The following MYOM1 variants were observed in gnomAD, a reference collection of about 807,000 sequenced individuals.
MYOM1 encodes the protein myomesin 1, also known as myomesin-1.
MYOM1 carries 164 observed loss-of-function variants against 205.3 expected under a neutral mutation model. That is an observed-to-expected ratio of 0.80 (90% CI 0.70 to 0.91). The LOEUF (loss-of-function observed/expected upper bound fraction) is 0.91, where lower values mean the gene tolerates loss of function less well. MYOM1 is among the 40% of genes least tolerant of loss of function. MYOM1 has a pLI of 0.00. For missense variants in MYOM1, 2,011 were observed against 2,127.3 expected (o/e 0.95, Z 1.08); for synonymous variants, 772 against 789.4 (o/e 0.98, Z 0.37).
intron 11 of MYOM1, among the ~76,000 whole-genome samples, chr18:3,153,628 G>T (rs1314173051): frequency 1.3e-5 from 2 of 152,166 alleles, no homozygotes; most frequent in African/African-American, 4.8e-5. Flanking sequence ...ACTACTAAAT[G>T]ATGAAATGTT....
intron 22 of MYOM1, among the ~76,000 whole-genome samples, chr18:3,106,567 G>A (rs190233472): frequency 2.8e-4 from 42 of 152,296 alleles, no homozygotes; most frequent in Non-Finnish European, 5.3e-4. Context: ...GCTCACACCT[G>A]TAATCCCAGC....
chr18:3,129,088 A>T, intron 18 of MYOM1, 144 bp downstream of exon 18: 1 of 1,080,194 alleles, frequency 9.3e-7, no homozygotes, highest in Non-Finnish European at 1.3e-6. Flanking sequence ...ATGAAAGTAC[A>T]CATTTCAGAT....
chr18:3,200,862 TA>T (rs1172835166), intron 2 of MYOM1, among the ~76,000 whole-genome samples: 7 of 152,236 alleles, frequency 4.6e-5, no homozygotes, highest in Non-Finnish European at 7.4e-5. Flanking sequence ...ATGAAAATAT[TA>T]ATCTATGGAT....
chr18:3,184,500 T>C (rs1159847358), intron 5 of MYOM1, among the ~76,000 whole-genome samples: 2 of 152,224 alleles, frequency 1.3e-5, no homozygotes, highest in Non-Finnish European at 2.9e-5. Flanking sequence ...AGTTTCAGCT[T>C]TACCCAGGGC....
At chr18:3,093,900 A>T (rs2079261895) in intron 26 of MYOM1, among the ~76,000 whole-genome samples, 1 of 152,016 alleles carries the variant, frequency 6.6e-6, no homozygotes, top group South Asian at 2.1e-4. Context: ...CTCTATTTTC[A>T]TGGGGATCAT....
chr18:3,238,230 G>A, the MYOM1 span, among the ~76,000 whole-genome samples: 6 of 152,030 alleles, frequency 3.9e-5, no homozygotes, highest in Admixed American at 3.3e-4. Flanking sequence ...TAGATTCCTC[G>A]CAATGCACAG....
rs12606556 is a variant in MYOM1, at chr18:3,075,211, T to C, written c.4708+243A>G. On this transcript the variant is annotated intron_variant, in intron 36 of 37. Coordinates refer to ENST00000356443, the MANE Select transcript of MYOM1 (RefSeq NM_003803.4). ...TTTGCAGCCAAGAGGTTTCTCAGGA[T>C]GTCTGGGTTGTAGCTCAAGTCAAGG... Among the ~76,000 whole-genome samples the C allele has an allele frequency of 0.13, 20,304 of 152,242 alleles. 1,555 individuals carry two copies. The highest frequency in any genetic ancestry group is 0.32 in the East Asian group (1,653 of 5,178).
chr18:3,110,740 C>CT (rs60485833), intron 22 of MYOM1, among the ~76,000 whole-genome samples: 17 of 141,502 alleles, frequency 1.2e-4, no homozygotes, highest in South Asian at 2.3e-4. Context: ...TCTTTTTTTT[C>CT]TTTTTTTTTT....
At chr18:3,088,735 CAT>C (rs2079185084) in intron 29 of MYOM1, among the ~76,000 whole-genome samples, 1 of 152,192 alleles carries the variant, frequency 6.6e-6, no homozygotes, top group Non-Finnish European at 1.5e-5. Context: ...CTCTTTTCCA[CAT>C]GTCTCCCTTG....
chr18:3,096,565 A>G (rs1598665691), intron 25 of MYOM1, among the ~76,000 whole-genome samples: 2 of 151,486 alleles, frequency 1.3e-5, no homozygotes, highest in Non-Finnish European at 2.9e-5. Flanking sequence ...CTTAGCCTCC[A>G]GAGTAGCTGG....
At chr18:3,107,399 G>C (rs1377592121) in intron 22 of MYOM1, among the ~76,000 whole-genome samples, 1 of 152,226 alleles carries the variant, frequency 6.6e-6, no homozygotes, top group East Asian at 1.9e-4. Flanking sequence ...TTACAGGCGT[G>C]AGCCACCGCA....
chr18:3,194,774 C>T (rs2144178650), intron 2 of MYOM1, among the ~76,000 whole-genome samples: 1 of 152,094 alleles, frequency 6.6e-6, no homozygotes, highest in South Asian at 2.1e-4. Context: ...AGTTCATGAA[C>T]TCCCTGAAGT....
At position 3,112,397 on chromosome 18, in the gene MYOM1, C is replaced by T; in HGVS notation, c.3319G>A (p.Glu1107Lys). ...ACACGGAACACGTAGCTGACGCCCT[C>T]CTTGAGGCCTCGAACCTGGTAGAAG... ...NVYLKVRGLK[E>K]GVSYVFRVRA... is the part of the protein sequence containing the mutation. The change falls in exon 22 of 38, where the codon GAG becomes AAG. Residue 1107 changes from glutamate (E) to lysine (K), a missense_variant. By Grantham distance (56) the Glu-to-Lys change is moderately conservative. Coordinates refer to ENST00000356443, the MANE Select transcript of MYOM1 (RefSeq NM_003803.4). 1 of 1,603,690 alleles carries T rather than the reference C, an allele frequency of 6.2e-7. No homozygotes were observed. Among genetic ancestry groups the T allele is most frequent in the South Asian group, 1.1e-5 (1 of 89,994 alleles).
chr18:3,105,335 T>C (rs189428948), intron 22 of MYOM1, among the ~76,000 whole-genome samples: 1 of 152,274 alleles, frequency 6.6e-6, no homozygotes, highest in Admixed American at 6.5e-5. Context: ...CAGAAAAAGG[T>C]AAATAAGATT....
intron 22 of MYOM1, among the ~76,000 whole-genome samples, chr18:3,104,185 T>A (rs1256655566): frequency 6.6e-6 from 1 of 152,208 alleles, no homozygotes; most frequent in Non-Finnish European, 1.5e-5. Flanking sequence ...AATGCTTTTA[T>A]TAAAACTTAA....
chr18:3,214,696 G>T (rs549076620), intron 2 of MYOM1, among the ~76,000 whole-genome samples: 1 of 152,148 alleles, frequency 6.6e-6, no homozygotes, highest in Non-Finnish European at 1.5e-5. Context: ...GGTGGTGCAC[G>T]CCTGTAATCC....
intron 20 of MYOM1, 130 bp downstream of exon 20, chr18:3,119,739 A>G: frequency 8.3e-7 from 1 of 1,197,816 alleles, no homozygotes. Flanking sequence ...TTTTAGGTAA[A>G]CACAAGGGGC....
rs1230430844 is a variant in MYOM1 at position 3,079,289 on chromosome 18, T to G, written c.4538A>C (p.Gln1513Pro). 2 of 1,614,016 alleles carry G rather than the reference T, an allele frequency of 1.2e-6. No homozygotes were observed. The highest frequency in any genetic ancestry group is 2.2e-5 in the East Asian group (1 of 44,888). The stretch of plus-strand genomic sequence containing the variant: ...GGGCTCGTTGATTTGTAGCCAGATC[T>G]GCTCTCCAGTGACCCCGGTCTTAAC... ...DRVKTGVTGE[Q>P]IWLQINEPTP... The change falls in exon 34 of 38, where the codon CAG (glutamine) becomes CCG (proline). Residue 1513 changes from glutamine (Q) to proline (P), a missense_variant. Transcript: ENST00000356443.
At chr18:3,241,211 G>A in the MYOM1 span, among the ~76,000 whole-genome samples, 2 of 152,292 alleles carry the variant, frequency 1.3e-5, no homozygotes, top group African/African-American at 4.8e-5. Flanking sequence ...AAGACAATGG[G>A]GAAAATATTT....
Sources: gnomAD v4.1 joint callset for allele counts (sites outside exome capture counted in the v4.1 genomes callset) on GRCh38, gnomAD v4.1.1 for gene constraint, MANE v1.5 for transcripts, NCBI Gene and HGNC (gene_info 2026-07-23, HGNC 2026-07-21) for gene names.